COP1: variants seen among roughly 807,000 people sequenced by gnomAD.
The protein encoded by COP1 is COP1 E3 ubiquitin ligase, also known as E3 ubiquitin-protein ligase COP1.
COP1 carries 24 observed loss-of-function variants against 101.3 expected under a neutral mutation model. The observed-to-expected ratio is 0.24, with a 90% confidence interval of 0.17 to 0.33. The LOEUF is 0.33. Ranked by LOEUF, COP1 falls within the 10% of genes least tolerant of loss-of-function variation. The pLI is 1.00. For missense variants in COP1, 663 were observed against 906.2 expected, an observed-to-expected ratio of 0.73 and a Z score of 3.45; for synonymous variants, 347 against 341.9, an observed-to-expected ratio of 1.01 and a Z score of -0.17.
At chr1:175,965,876 C>T (rs556986586) in intron 18 of COP1, among the ~76,000 whole-genome samples, 1 of 152,222 alleles carries the variant, frequency 6.6e-6, no homozygotes, top group Admixed American at 6.5e-5. Flanking sequence ...GCCACCGCAC[C>T]CAGCCACTTA....
intron 1 of COP1, among the ~76,000 whole-genome samples, chr1:176,206,029 T>C (rs1245739066): frequency 1.3e-5 from 2 of 152,206 alleles, no homozygotes; most frequent in Non-Finnish European, 2.9e-5. Flanking sequence ...ATACGATAGG[T>C]ACTTACATTA....
chr1:176,111,816 T>C (rs1391823549), intron 9 of COP1, among the ~76,000 whole-genome samples: 1 of 152,196 alleles, frequency 6.6e-6, no homozygotes, highest in Non-Finnish European at 1.5e-5. Context: ...TCTCCATTTA[T>C]GTTAGGTCTA....
intron 15 of COP1, among the ~76,000 whole-genome samples, chr1:176,006,988 A>G (rs1379197836): frequency 6.6e-6 from 1 of 152,000 alleles, no homozygotes; most frequent in East Asian, 1.9e-4. Context: ...AGGTATACCA[A>G]TCAGATGTAG....
At chr1:176,069,611 C>T (rs1474437138) in intron 11 of COP1, among the ~76,000 whole-genome samples, 1 of 152,188 alleles carries the variant, frequency 6.6e-6, no homozygotes, top group African/African-American at 2.4e-5. Flanking sequence ...GTGAACACTT[C>T]TCCCTGACCA....
intron 15 of COP1, among the ~76,000 whole-genome samples, chr1:175,997,839 G>T (rs1209561695): frequency 6.6e-6 from 1 of 152,020 alleles, no homozygotes; most frequent in South Asian, 2.1e-4. Flanking sequence ...AAGTCAGCGT[G>T]GCAATTCCTC....
At chr1:176,187,511 A>G (rs1304488473) in intron 1 of COP1, among the ~76,000 whole-genome samples, 1 of 151,978 alleles carries the variant, frequency 6.6e-6, no homozygotes, top group Admixed American at 6.6e-5. Context: ...GGCCTCCCAA[A>G]GTGTTGGGAT....
chr1:175,992,963 C>T (rs76872562), intron 15 of COP1, among the ~76,000 whole-genome samples: 1 of 152,164 alleles, frequency 6.6e-6, no homozygotes, highest in Admixed American at 6.5e-5. Flanking sequence ...TGACCCCTGA[C>T]CCCCAAGCAG....
At chr1:176,093,281 A>G (rs1255207012) in intron 9 of COP1, among the ~76,000 whole-genome samples, 1 of 152,182 alleles carries the variant, frequency 6.6e-6, no homozygotes, top group Non-Finnish European at 1.5e-5. Flanking sequence ...AATAACTAAC[A>G]CAGAAGCCAG....
At chr1:175,989,592 C>T in intron 15 of COP1, 113 bp from the exon 16 acceptor site, 1 of 597,834 alleles carries the variant, frequency 1.7e-6, no homozygotes, top group Non-Finnish European at 3.1e-6. Flanking sequence ...TGTCTAATCT[C>T]TAACAGCCAG....
intron 10 of COP1, among the ~76,000 whole-genome samples, chr1:176,081,811 T>C (rs991044866): frequency 5.3e-5 from 8 of 152,076 alleles, no homozygotes; most frequent in African/African-American, 1.9e-4. Flanking sequence ...AGGAAGACAG[T>C]AGAAAACTGC....
At chr1:176,161,753 A>C (rs1344660493) in intron 5 of COP1, among the ~76,000 whole-genome samples, 1 of 152,178 alleles carries the variant, frequency 6.6e-6, no homozygotes, top group African/African-American at 2.4e-5. Flanking sequence ...GCTAATAGTA[A>C]ACTATGGTTA....
Position 175,982,067 on chromosome 1 carries a change from G to A in COP1, c.2133+4876C>T, listed in dbSNP as rs137933386. 4.1e-3 allele frequency among the ~76,000 whole-genome samples: 629 copies of A among 152,084 alleles called. 2 individuals are homozygous for A. Among genetic ancestry groups the A allele is most frequent in the Non-Finnish European group, 7.0e-3 (473 of 67,940 alleles). On this transcript the variant is annotated intron_variant, in intron 18 of 19. Coordinates refer to ENST00000367669, the MANE Select transcript of COP1 (RefSeq NM_022457.7). The stretch of plus-strand genomic sequence containing the variant: ...GTGGAGAAAAGAGAACTCTTGTAAC[G>A]TTGGTGGGAATGTAAATCAGTACAG...
chr1:176,163,739 A>G, intron 4 of COP1, 76 bp downstream of exon 4: 1 of 900,694 alleles, frequency 1.1e-6, no homozygotes. Context: ...CTAAACTTTA[A>G]CATCTAACTA....
intron 1 of COP1, among the ~76,000 whole-genome samples, chr1:176,187,674 C>A (rs1433961123): frequency 6.6e-6 from 1 of 152,050 alleles, no homozygotes; most frequent in Admixed American, 6.6e-5. Context: ...AATTGTAATT[C>A]CTTATTTGTA....
intron 1 of COP1, among the ~76,000 whole-genome samples, chr1:176,189,241 G>C (rs1698830103): frequency 6.6e-6 from 1 of 152,040 alleles, no homozygotes; most frequent in Non-Finnish European, 1.5e-5. Context: ...GTCTAATTGA[G>C]AATTTTTTCT....
At chr1:175,961,165 C>CA (rs1222811057) in intron 18 of COP1, among the ~76,000 whole-genome samples, 21 of 152,182 alleles carry the variant, frequency 1.4e-4, no homozygotes, top group African/African-American at 4.8e-4. Flanking sequence ...GCCTCCCTGG[C>CA]ATATCATGGT....
Position 176,027,778 on chromosome 1 carries a change from C to T in COP1, c.1613-90G>A, listed in dbSNP as rs945207063. On this transcript the variant is annotated intron_variant, in intron 14 of 19. Coordinates refer to ENST00000367669, the MANE Select transcript of COP1 (RefSeq NM_022457.7). ...ACTTGGGAAAGTTGGCTTATTGCTC[C>T]AGAAATCTTTTTGTGCCACTCTAAA... 6 of 761,866 alleles carry T rather than the reference C, an allele frequency of 7.9e-6. No individual in the cohort carries two copies. The South Asian group carries it at 9.3e-5, about 12-fold the overall frequency. The allele number at this position is 761,866 out of a possible 1,614,324, so 47.2% of individuals were successfully genotyped here.
At chr1:176,179,257 T>TC (rs1299570576) in intron 2 of COP1, among the ~76,000 whole-genome samples, 1 of 149,618 alleles carries the variant, frequency 6.7e-6, no homozygotes, top group Non-Finnish European at 1.5e-5. Flanking sequence ...GCCATTGCAC[T>TC]CCAGCCTGGG....
chr1:176,083,466 A>G (rs1220446274), intron 10 of COP1, among the ~76,000 whole-genome samples: 2 of 152,204 alleles, frequency 1.3e-5, no homozygotes, highest in African/African-American at 4.8e-5. Context: ...ATTTTAACTT[A>G]TGAGGTTACA....
Sources: allele counts gnomAD v4.1 joint callset (sites outside exome capture counted in the v4.1 genomes callset), GRCh38; gene constraint gnomAD v4.1.1; transcripts MANE v1.5; gene names NCBI Gene and HGNC (gene_info 2026-07-23, HGNC 2026-07-21).